Variants in LSP1 observed in about 807,000 individuals in gnomAD.
LSP1 encodes lymphocyte-specific protein 1.
A neutral mutation model predicts 49.3 loss-of-function variants in LSP1; 32 were observed. The ratio of observed to expected loss-of-function variants is 0.65; its 90% CI spans 0.49 to 0.87. LSP1 has a LOEUF of 0.87. Ranked by LOEUF, LSP1 falls within the 40% of genes least tolerant of loss-of-function variation. LSP1 has a pLI of 0.00. For missense variants in LSP1, 428 were observed against 442.6 expected (o/e 0.97, Z 0.30); for synonymous variants, 179 against 178.8 (o/e 1.00, Z -0.01).
chr11:1,890,089 C>G (rs1163147384), intron 10 of LSP1: 1 of 716,226 alleles, frequency 1.4e-6, no homozygotes, highest in East Asian at 2.7e-5. Flanking sequence ...GGGACGAAGC[C>G]ACTGGGGGGC....
At chr11:1,877,117 T>C (rs2133102249) in intron 1 of LSP1, among the ~76,000 whole-genome samples, 1 of 152,292 alleles carries the variant, frequency 6.6e-6, no homozygotes, top group East Asian at 1.9e-4. Context: ...GACAGCTCCG[T>C]GGTGCATGCC....
chr11:1,869,057 G>A (rs1314135687), intron 1 of LSP1: 3 of 970,950 alleles, frequency 3.1e-6, no homozygotes, highest in Non-Finnish European at 3.7e-6. Context: ...GGGAGCTTGT[G>A]GGAGAGAAGC....
chr11:1,862,952 G>T (rs1165539376), intron 1 of LSP1, among the ~76,000 whole-genome samples: 3 of 152,176 alleles, frequency 2.0e-5, no homozygotes, highest in Non-Finnish European at 4.4e-5. Flanking sequence ...TGTGGATGCT[G>T]GGGATGTGGG....
intron 1 of LSP1, among the ~76,000 whole-genome samples, chr11:1,853,450 G>A (rs542057055): frequency 9.8e-5 from 15 of 152,348 alleles, no homozygotes; most frequent in Admixed American, 5.2e-4. Flanking sequence ...TGGGGGAGGC[G>A]CGTGGGATCC....
rs954486590 is a variant in LSP1 at position 1,892,080 on chromosome 11, T to C, written c.*321T>C. On this transcript the variant is annotated 3_prime_UTR_variant, in exon 11 of 11. Coordinates refer to ENST00000311604, the MANE Select transcript of LSP1 (RefSeq NM_002339.3). ...TTACCCCTGGAGAGGCCAAGTGCCT[T>C]CTAGGAAGTTAGGAGGTTGAGGCAC... The C allele has an allele frequency of 1.7e-4, 26 of 152,216 alleles. No homozygotes were observed. Among genetic ancestry groups the C allele is most frequent in the African/African-American group, 6.3e-4 (26 of 41,518 alleles). The allele number at this position is 152,216 out of a possible 1,614,324, so 9.4% of individuals were successfully genotyped here.
At chr11:1,856,902 G>T (rs1217699762) in intron 1 of LSP1, among the ~76,000 whole-genome samples, 3 of 152,234 alleles carry the variant, frequency 2.0e-5, no homozygotes, top group African/African-American at 4.8e-5. Flanking sequence ...CAGAGCTGGG[G>T]ACAGTTGGGG....
intron 1 of LSP1, chr11:1,859,450 C>T (rs779544808): frequency 2.5e-4 from 39 of 154,186 alleles, no homozygotes; most frequent in East Asian, 9.6e-4. Context: ...AGTGCCTGTG[C>T]TCCTCCTTCC....
intron 7 of LSP1, among the ~76,000 whole-genome samples, chr11:1,885,022 C>T (rs978643549): frequency 2.0e-5 from 3 of 151,852 alleles, no homozygotes; most frequent in African/African-American, 7.3e-5. Flanking sequence ...GTCAATCAAT[C>T]CCCCTTTATC....
rs372884030 is a variant in LSP1, at chr11:1,880,189, C to T, written c.156C>T (p.Gly52=). Residue 52 remains glycine, a synonymous_variant, in exon 2 of 11, where the codon GGC becomes GGT. Transcript: ENST00000311604. The part of the protein sequence containing the change: ...RQLQAQDEEG[G]GHVPERPKQE... ...TTCAGGCCCAGGACGAGGAGGGAGGCGGCCATGTCCCCGAGCGGCCGAAGC... is the reference window on the plus strand; with the variant it reads ...TTCAGGCCCAGGACGAGGAGGGAGGTGGCCATGTCCCCGAGCGGCCGAAGC... The T allele has an allele frequency of 4.9e-5, 79 of 1,601,882 alleles. No individual in the cohort carries two copies. Among genetic ancestry groups the T allele is most frequent in the East Asian group, 4.8e-4 (21 of 43,994 alleles).
intron 1 of LSP1, among the ~76,000 whole-genome samples, chr11:1,855,156 AG>A (rs1443281035): frequency 6.6e-6 from 1 of 152,174 alleles, no homozygotes; most frequent in African/African-American, 2.4e-5. Flanking sequence ...CTGACCTTTC[AG>A]AATGAAACTG....
intron 1 of LSP1, chr11:1,866,817 G>T (rs1226157177): frequency 6.5e-7 from 1 of 1,550,090 alleles, no homozygotes; most frequent in Non-Finnish European, 8.7e-7. Context: ...GAGGGGCAGA[G>T]CCCCTGCCTG....
chr11:1,883,789 C>A, intron 4 of LSP1, 143 bp from the exon 5 acceptor site: 1 of 911,184 alleles, frequency 1.1e-6, no homozygotes, highest in East Asian at 2.4e-5. Context: ...AGTCCCTCCC[C>A]ACCAGCTCCA....
At chr11:1,861,110 A>G (rs1157424007) in intron 1 of LSP1, among the ~76,000 whole-genome samples, 1 of 152,240 alleles carries the variant, frequency 6.6e-6, no homozygotes, top group African/African-American at 2.4e-5. Context: ...ACTCTCTTCC[A>G]GGAACACTTC....
intron 10 of LSP1, chr11:1,891,107 C>T (rs1168718877): frequency 2.6e-5 from 4 of 156,390 alleles, no homozygotes; most frequent in Admixed American, 1.8e-4. Context: ...TGAGGGGTGG[C>T]GGCCAAGAGG....
At chr11:1,879,976 G>C (rs2133111041) in intron 1 of LSP1, 111 bp from the exon 2 acceptor site, 1 of 1,349,542 alleles carries the variant, frequency 7.4e-7, no homozygotes, top group East Asian at 2.5e-5. Context: ...CTCGTGGACA[G>C]GGCTGCCTGC....
At chr11:1,880,567 A>G (rs1302569995) in intron 2 of LSP1, 1 of 240,658 alleles carries the variant, frequency 4.2e-6, no homozygotes. Flanking sequence ...GCCACGTCCA[A>G]CTTGGCGGCC....
chr11:1,880,195 T>C lies in LSP1; in HGVS notation c.162T>C (p.His54=), dbSNP rs771869893. 1.1e-5 allele frequency: 18 copies of C among 1,601,392 alleles called. No individual in the cohort carries two copies. Among genetic ancestry groups the C allele is most frequent in the Non-Finnish European group, 1.5e-5 (18 of 1,172,602 alleles). Reference sequence around the variant, plus strand: ...CCCAGGACGAGGAGGGAGGCGGCCATGTCCCCGAGCGGCCGAAGCAGGAGA... The same window carrying C: ...CCCAGGACGAGGAGGGAGGCGGCCACGTCCCCGAGCGGCCGAAGCAGGAGA... ...LQAQDEEGGG[H]VPERPKQEML... Residue 54 remains histidine, a synonymous_variant, in exon 2 of 11, where the codon CAT becomes CAC. Coordinates refer to ENST00000311604, the MANE Select transcript of LSP1 (RefSeq NM_002339.3).
intron 9 of LSP1, 79 bp downstream of exon 9, chr11:1,887,393 G>A: frequency 1.3e-6 from 2 of 1,578,874 alleles, no homozygotes; most frequent in Non-Finnish European, 1.7e-6. Flanking sequence ...CTGTGCATCT[G>A]GGAGGGCTTC....
intron 1 of LSP1, chr11:1,868,671 C>A (rs1241484003): frequency 1.2e-5 from 12 of 985,674 alleles, no homozygotes; most frequent in Non-Finnish European, 1.4e-5. Flanking sequence ...CCCGCCCTGG[C>A]AGGGCTGGAA....
Sources: allele counts gnomAD v4.1 joint callset (sites outside exome capture counted in the v4.1 genomes callset), GRCh38; gene constraint gnomAD v4.1.1; transcripts MANE v1.5; gene names NCBI Gene and HGNC (gene_info 2026-07-23, HGNC 2026-07-21).